The following MCM2 variants were observed in gnomAD, a reference collection of about 807,000 sequenced individuals.
MCM2 encodes DNA replication licensing factor MCM2.
Under a neutral mutation model 86.4 loss-of-function variants are expected in MCM2, and 49 were observed. The ratio of observed to expected loss-of-function variants is 0.57; its 90% confidence interval spans 0.45 to 0.72. The LOEUF (loss-of-function observed/expected upper bound fraction) is 0.72. Among genes scored for constraint, MCM2 ranks in the 30% least tolerant of loss-of-function variants. The pLI is 0.00. For missense variants in MCM2, 1,038 were observed against 1,259.9 expected (o/e 0.82, Z 2.67); for synonymous variants, 475 against 484.6 (o/e 0.98, Z 0.26).
In MCM2 at chr3:127,616,857, A is replaced by G. The variant is rs2074436682; in HGVS notation, c.1523-11A>G. 6.2e-7 allele frequency: 1 copy of G among 1,607,236 alleles called. No homozygotes were observed. The highest frequency in any genetic ancestry group is 1.1e-5 in the South Asian group (1 of 90,904). ...CTCTCCCCCTCCCCCGCTTCTACTCATCCCCTCCAGGTGGCAAGCACAAGG... is the reference window on the plus strand; with the variant it reads ...CTCTCCCCCTCCCCCGCTTCTACTCGTCCCCTCCAGGTGGCAAGCACAAGG... On this transcript the variant is annotated splice_polypyrimidine_tract_variant and intron_variant, in intron 9 of 15. Transcript: ENST00000265056.
Position 127,618,166 on chromosome 3 carries a change from A to C in MCM2, c.2013+85A>C. 2.9e-6 allele frequency: 3 copies of C among 1,048,206 alleles called. No individual in the cohort carries two copies. Among genetic ancestry groups the C allele is most frequent in the Non-Finnish European group, 4.4e-6 (3 of 682,212 alleles). The allele number at this position is 1,048,206 out of a possible 1,614,324, so 64.9% of individuals were successfully genotyped here. A position where few individuals can be genotyped will look rare whatever the true frequency, so the allele number is the denominator to read the frequency against. On this transcript the variant is annotated intron_variant, in intron 12 of 15. Coordinates refer to ENST00000265056, the MANE Select transcript of MCM2 (RefSeq NM_004526.4). This position sits in a 1 kb window ranked among gnomAD's most constrained non-coding sequence, Gnocchi z 4.0. ...TGGGGTCATACAGTGTGCCCAACAC[A>C]GGGGACAGGTGCTGCAGGGGCCATA... is the stretch of plus-strand genomic sequence containing the variant.
intron 8 of MCM2, chr3:127,610,904 T>C (rs561235712): frequency 2.2e-6 from 1 of 456,700 alleles, no homozygotes; most frequent in African/African-American, 2.0e-5. Context: ...TTTCTCAGCG[T>C]CAGGAAGCCA....
rs150457733 is a variant in MCM2, at chr3:127,605,062, G to A, written c.579G>A (p.Leu193=). 61 of 1,613,824 alleles carry A rather than the reference G, an allele frequency of 3.8e-5. No homozygotes were observed. Among genetic ancestry groups the A allele is most frequent in the Non-Finnish European group, 4.8e-5 (57 of 1,179,998 alleles). ...REWVSMAGPR[L]EIHHRFKNFL... Reference sequence around the variant, plus strand: ...GGGTGAGCATGGCGGGCCCCCGGCTGGAGATCCACCACCGCTTCAAGAACT... The same window carrying A: ...GGGTGAGCATGGCGGGCCCCCGGCTAGAGATCCACCACCGCTTCAAGAACT... The change falls in exon 4 of 16, where the codon CTG becomes CTA. Residue 193 remains leucine (L), a synonymous_variant. Coordinates refer to ENST00000265056, the MANE Select transcript of MCM2 (RefSeq NM_004526.4).
intron 2 of MCM2, among the ~76,000 whole-genome samples, chr3:127,603,237 G>A (rs2074318067): frequency 3.3e-5 from 5 of 152,126 alleles, no homozygotes; most frequent in Admixed American, 3.3e-4. Flanking sequence ...CTGACCTCGT[G>A]ATCCGCCCGC....
intron 8 of MCM2, chr3:127,610,728 G>T (rs994994038): frequency 2.2e-5 from 10 of 453,012 alleles, no homozygotes; most frequent in African/African-American, 2.0e-4. Context: ...AAACCCAGTA[G>T]GGGCAAAGCA....
chr3:127,606,332 G>A lies in MCM2; in HGVS notation c.888G>A (p.Ser296=), dbSNP rs770438339. The A allele has an allele frequency of 1.9e-5, 31 of 1,614,090 alleles. No homozygotes were observed. In the South Asian group the frequency reaches 2.5e-4, roughly 13 times the overall value. Residue 296 remains serine (S), a synonymous_variant, in exon 5 of 16, where the codon TCG becomes TCA. Transcript: ENST00000265056. This position sits in a 1 kb window ranked among gnomAD's most constrained non-coding sequence, Gnocchi z 4.2. ...TGCCTCTGGTGGAGGAGCTGCGCTC[G>A]CTGAGGTGAGCTGAGGGCAGGTGAG... is the stretch of plus-strand genomic sequence containing the variant. ...SHLPLVEELR[S]LRQLHLNQLI...
chr3:127,611,553 C>G (rs987696786), intron 8 of MCM2, among the ~76,000 whole-genome samples: 4 of 152,182 alleles, frequency 2.6e-5, no homozygotes, highest in Non-Finnish European at 5.9e-5. Flanking sequence ...AGCCCTACCC[C>G]GCTCCCGTGT....
At chr3:127,619,866 C>A (rs1460023719) in intron 13 of MCM2, among the ~76,000 whole-genome samples, 2 of 151,942 alleles carry the variant, frequency 1.3e-5, no homozygotes, top group African/African-American at 4.8e-5. Flanking sequence ...GCCTGTAGTC[C>A]CAGCTACTCA....
At chr3:127,600,583 C>G (rs2074300487) in intron 2 of MCM2, among the ~76,000 whole-genome samples, 2 of 152,136 alleles carry the variant, frequency 1.3e-5, no homozygotes, top group African/African-American at 4.8e-5. Context: ...TTGCTATTAT[C>G]AGTACCACCC....
At position 127,604,903 on chromosome 3, in the gene MCM2, TGAG is replaced by T. The variant is rs1159162991; in HGVS notation, c.426_428del (p.Glu142del). 1 of 1,610,722 alleles carries T rather than the reference TGAG, an allele frequency of 6.2e-7. No individual in the cohort carries two copies. Among genetic ancestry groups the T allele is most frequent in the Non-Finnish European group, 8.5e-7 (1 of 1,178,502 alleles). Reference sequence around the variant, plus strand: ...TGTCTCTTGCCTCCCCAGACAGCGATGAGGAGGACGAGGAGCGCCCTGCCCGCA... The same window carrying T: ...TGTCTCTTGCCTCCCCAGACAGCGATGAGGACGAGGAGCGCCCTGCCCGCA... On this transcript the variant is annotated inframe_deletion, in exon 4 of 16. Transcript: ENST00000265056.
intron 2 of MCM2, 182 bp from the exon 3 acceptor site, chr3:127,604,426 T>C: frequency 1.6e-6 from 1 of 613,048 alleles, no homozygotes. Flanking sequence ...TATGGACAGA[T>C]CGTGTTTTGT....
At chr3:127,605,233 G>A in intron 4 of MCM2, 77 bp downstream of exon 4, 4 of 1,550,078 alleles carry the variant, frequency 2.6e-6, no homozygotes, top group Non-Finnish European at 1.8e-6. Flanking sequence ...TCTGAGCCGA[G>A]TGAACACGTG....
In MCM2 at chr3:127,620,807, A is replaced by G. The variant is rs779455252; in HGVS notation, c.2375A>G (p.Asn792Ser). Residue 792 changes from asparagine (N) to serine (S), a missense_variant, in exon 14 of 16, where the codon AAC becomes AGC. Asn to Ser is a conservative substitution (Grantham distance 46, BLOSUM62 1). Transcript: ENST00000265056. Reference protein sequence around the residue: ...LRDYVIEDDVNMAIRVMLESF... With the variant: ...LRDYVIEDDVSMAIRVMLESF... ...GACTATGTGATCGAAGACGACGTCA[A>G]CATGGCCATCCGCGTGATGCTGGAG... The G allele has an allele frequency of 3.1e-6, 5 of 1,614,124 alleles. No individual in the cohort carries two copies. Among genetic ancestry groups the G allele is most frequent in the East Asian group, 2.2e-5 (1 of 44,892 alleles).
intron 14 of MCM2, 63 bp from the exon 15 acceptor site, chr3:127,621,010 G>A (rs1309380588): frequency 6.3e-7 from 1 of 1,598,314 alleles, no homozygotes; most frequent in Non-Finnish European, 8.5e-7. Context: ...CTGGCACGTA[G>A]GGTAAAGGGA....
chr3:127,604,702 G>C lies in MCM2; in HGVS notation c.331G>C (p.Glu111Gln), dbSNP rs768147745. Residue 111 changes from glutamate to glutamine, a missense_variant, in exon 3 of 16, where the codon GAG becomes CAG. Coordinates refer to ENST00000265056, the MANE Select transcript of MCM2 (RefSeq NM_004526.4). ...DVEELTASQR[E>Q]AAERAMRQRD... is the part of the protein sequence containing the mutation. ...AGAGGAGCTGACGGCCAGTCAGAGG[G>C]AGGCAGCAGAGCGGGCCATGCGGCA... 6.2e-7 allele frequency: 1 copy of C among 1,612,426 alleles called. No homozygotes were observed. Among genetic ancestry groups the C allele is most frequent in the South Asian group, 1.1e-5 (1 of 91,026 alleles).
At chr3:127,602,182 T>C (rs961771295) in intron 2 of MCM2, among the ~76,000 whole-genome samples, 4 of 149,996 alleles carry the variant, frequency 2.7e-5, no homozygotes, top group Non-Finnish European at 4.4e-5. Context: ...TTTTTTTTTT[T>C]GTATGAACCA....
Position 127,618,955 on chromosome 3 carries a change from T to C in MCM2, c.2014-72T>C, listed in dbSNP as rs2074453799. On this transcript the variant is annotated intron_variant, in intron 12 of 15. Transcript: ENST00000265056. This position sits in a 1 kb window ranked among gnomAD's most constrained non-coding sequence, Gnocchi z 4.0. ...CACCCTTGTAGGGCACACTCAGCCC[T>C]TCTCCAGCCACTGACCTCCCCAAAG... The C allele has an allele frequency of 8.2e-6, 12 of 1,463,504 alleles. No homozygotes were observed. The highest frequency in any genetic ancestry group is 1.4e-5 in the South Asian group (1 of 73,418). 90.7% of individuals were successfully genotyped at this position (1,463,504 alleles called of 1,614,324 possible). A position where few individuals can be genotyped will look rare whatever the true frequency, so the allele number is the denominator to read the frequency against.
rs137932133 is a variant in MCM2, at chr3:127,598,960, T to A, written c.7-358T>A. 9.0e-4 allele frequency: 339 copies of A among 376,480 alleles called. 1 individual carries two copies. The highest frequency in any genetic ancestry group is 5.3e-3 in the Admixed American group (121 of 22,674). The allele number at this position is 376,480 out of a possible 1,614,324, so 23.3% of individuals were successfully genotyped here. Reference sequence around the variant, plus strand: ...ATCTCTATCACAATACCTTGCGCACTGTGTGTGCTGAAATAGGTCTAATGC... The same window carrying A: ...ATCTCTATCACAATACCTTGCGCACAGTGTGTGCTGAAATAGGTCTAATGC... On this transcript the variant is annotated intron_variant, in intron 1 of 15. Transcript: ENST00000265056.
chr3:127,608,260 T>G (rs2074365034), intron 6 of MCM2, 122 bp from the exon 7 acceptor site: 1 of 1,239,820 alleles, frequency 8.1e-7, no homozygotes, highest in South Asian at 1.4e-5. Context: ...TTCCTTGCTG[T>G]CTTTGGCTCT....
Sources: allele counts gnomAD v4.1 joint callset (sites outside exome capture counted in the v4.1 genomes callset), GRCh38; gene constraint gnomAD v4.1.1; non-coding constraint Gnocchi (gnomAD v3.1); transcripts MANE v1.5; gene names NCBI Gene and HGNC (gene_info 2026-07-23, HGNC 2026-07-21).